The following FCHSD2 variants were observed in gnomAD, a reference collection of about 807,000 sequenced individuals.
FCHSD2 encodes the protein FCH and double SH3 domains 2, also known as F-BAR and double SH3 domains protein 2.
Under a neutral mutation model 108.1 loss-of-function variants are expected in FCHSD2, and 38 were observed. That is an observed-to-expected ratio of 0.35 (90% CI 0.27 to 0.46). The LOEUF is 0.46. FCHSD2 is among the 20% of genes least tolerant of loss of function. FCHSD2 has a pLI of 1.00. For missense variants in FCHSD2, 751 were observed against 897.8 expected, an observed-to-expected ratio of 0.84 and a Z score of 2.09; for synonymous variants, 279 against 314.7, an observed-to-expected ratio of 0.89 and a Z score of 1.20.
chr11:73,087,153 T>C (rs1859836545), intron 2 of FCHSD2, among the ~76,000 whole-genome samples: 1 of 152,196 alleles, frequency 6.6e-6, no homozygotes, highest in Admixed American at 6.5e-5. Context: ...TTGATGATTC[T>C]GACAGTGTGT....
At chr11:72,988,369 T>C (rs915393041) in intron 6 of FCHSD2, among the ~76,000 whole-genome samples, 5 of 152,250 alleles carry the variant, frequency 3.3e-5, no homozygotes, top group African/African-American at 9.6e-5. Context: ...TGCCAGTTCC[T>C]TCTTTTCCTA....
chr11:72,845,249 T>C (rs1303946337), intron 14 of FCHSD2, among the ~76,000 whole-genome samples: 1 of 151,818 alleles, frequency 6.6e-6, no homozygotes, highest in African/African-American at 2.4e-5. Context: ...GGCGAAACCC[T>C]GTCTCTATGA....
Position 72,893,854 on chromosome 11 carries a change from C to G in FCHSD2, c.925-3909G>C, listed in dbSNP as rs1160052008. On this transcript the variant is annotated intron_variant, in intron 10 of 19. Coordinates refer to ENST00000409418, the MANE Select transcript of FCHSD2 (RefSeq NM_014824.3). ...CTTTGAAGAACTAAATTAAGGAAAT[C>G]AGCATTCCAATATTCTTGATATATT... Among the ~76,000 whole-genome samples, 33 of 151,940 alleles carry G rather than the reference C, an allele frequency of 2.2e-4. 1 individual carries two copies. The highest frequency in any genetic ancestry group is 2.2e-3 in the Admixed American group (33 of 15,254).
chr11:72,914,248 A>C lies in FCHSD2; in HGVS notation c.828+7580T>G, dbSNP rs181951898. ...CAGACTGATCTTGAACTCCTGACCT[A>C]AAGTGATCTGCCCACCGTGGCCTCC... On this transcript the variant is annotated intron_variant, in intron 9 of 19. Transcript: ENST00000409418. Among the ~76,000 whole-genome samples the C allele has an allele frequency of 6.6e-5, 10 of 152,042 alleles. No individual in the cohort carries two copies. The East Asian group carries it at 1.9e-3, about 29-fold the overall frequency.
intron 2 of FCHSD2, among the ~76,000 whole-genome samples, chr11:73,115,741 G>T (rs569954067): frequency 6.6e-6 from 1 of 152,358 alleles, no homozygotes; most frequent in Non-Finnish European, 1.5e-5. Context: ...AGGAGTTGAT[G>T]CTGCAGTCTT....
chr11:72,941,866 AAGAGGT>A (rs1406781226), intron 8 of FCHSD2, among the ~76,000 whole-genome samples: 5 of 152,204 alleles, frequency 3.3e-5, no homozygotes, highest in Admixed American at 2.0e-4. Flanking sequence ...GAAGTTATCA[AAGAGGT>A]GTATTAAGAT....
intron 8 of FCHSD2, among the ~76,000 whole-genome samples, chr11:72,944,562 G>A (rs1453538270): frequency 6.6e-6 from 1 of 152,126 alleles, no homozygotes; most frequent in Non-Finnish European, 1.5e-5. Flanking sequence ...CAATCAGGCA[G>A]GAGAAGGAAA....
At chr11:72,877,555 C>A (rs951598891) in intron 12 of FCHSD2, among the ~76,000 whole-genome samples, 6 of 152,006 alleles carry the variant, frequency 3.9e-5, no homozygotes, top group African/African-American at 1.5e-4. Flanking sequence ...AAGCTAGTAA[C>A]CTATTACAAG....
chr11:73,106,986 C>T (rs145182795), intron 2 of FCHSD2, among the ~76,000 whole-genome samples: 5 of 152,170 alleles, frequency 3.3e-5, no homozygotes, highest in East Asian at 1.9e-4. Flanking sequence ...ATCCTGGACT[C>T]GACTTTTTAA....
chr11:72,999,716 T>C (rs10793055), intron 5 of FCHSD2, among the ~76,000 whole-genome samples: 58,283 of 152,056 alleles, frequency 0.38, 11,653 homozygotes, highest in East Asian at 0.55. Flanking sequence ...TTAAACTCTC[T>C]AAATATTCTG....
chr11:73,113,129 T>C (rs1860527248), intron 2 of FCHSD2, among the ~76,000 whole-genome samples: 2 of 152,182 alleles, frequency 1.3e-5, no homozygotes, highest in South Asian at 4.1e-4. Context: ...TGATGCATTA[T>C]TCAACTCCAG....
At chr11:72,911,470 T>C (rs1339232975) in intron 9 of FCHSD2, among the ~76,000 whole-genome samples, 2 of 152,190 alleles carry the variant, frequency 1.3e-5, no homozygotes, top group African/African-American at 4.8e-5. Flanking sequence ...TTATTCTGGG[T>C]CTTTTGTGGT....
chr11:72,990,936 A>G (rs1373154654), intron 5 of FCHSD2, among the ~76,000 whole-genome samples: 4 of 152,206 alleles, frequency 2.6e-5, no homozygotes, highest in Non-Finnish European at 4.4e-5. Context: ...GTTTTTTTGA[A>G]AAGATCAACA....
At chr11:72,889,010 A>G (rs1256827348) in intron 11 of FCHSD2, among the ~76,000 whole-genome samples, 1 of 152,004 alleles carries the variant, frequency 6.6e-6, no homozygotes, top group Non-Finnish European at 1.5e-5. Context: ...GTTGGAGTGC[A>G]GTGGCGTGAT....
chr11:72,898,942 G>C (rs1239569469), intron 10 of FCHSD2, among the ~76,000 whole-genome samples: 1 of 151,620 alleles, frequency 6.6e-6, no homozygotes, highest in South Asian at 2.1e-4. Context: ...AAAGGGTTTC[G>C]CCGTGTTGCC....
At chr11:72,858,497 CTTAG>C (rs1474467749) in intron 13 of FCHSD2, among the ~76,000 whole-genome samples, 3 of 152,146 alleles carry the variant, frequency 2.0e-5, no homozygotes, top group Non-Finnish European at 4.4e-5. Context: ...GGCCATTATC[CTTAG>C]CAAACTAACA....
At chr11:73,052,596 T>C (rs1360047198) in intron 3 of FCHSD2, among the ~76,000 whole-genome samples, 2 of 152,152 alleles carry the variant, frequency 1.3e-5, no homozygotes, top group Non-Finnish European at 2.9e-5. Flanking sequence ...AGAAACACTG[T>C]CGAAAATAAA....
At chr11:72,960,398 A>T (rs1354460059) in intron 8 of FCHSD2, among the ~76,000 whole-genome samples, 1 of 152,220 alleles carries the variant, frequency 6.6e-6, no homozygotes, top group African/African-American at 2.4e-5. Context: ...TATGGAATAT[A>T]TGCTCTAGTC....
At chr11:72,857,869 G>GCC (rs2135184369) in intron 13 of FCHSD2, among the ~76,000 whole-genome samples, 1 of 152,256 alleles carries the variant, frequency 6.6e-6, no homozygotes, top group East Asian at 1.9e-4. Context: ...GCACAATCAT[G>GCC]AGGTAGAAAG....
Sources: allele counts gnomAD v4.1 joint callset (sites outside exome capture counted in the v4.1 genomes callset), GRCh38; gene constraint gnomAD v4.1.1; transcripts MANE v1.5; gene names NCBI Gene and HGNC (gene_info 2026-07-23, HGNC 2026-07-21).